VGLL4: variants seen among roughly 807,000 people sequenced by gnomAD.
VGLL4 encodes transcription cofactor vestigial-like protein 4.
VGLL4 carries 7 observed loss-of-function variants against 21.0 expected under a neutral mutation model. The observed-to-expected ratio is 0.33, with a 90% CI of 0.19 to 0.63. VGLL4 has a LOEUF of 0.63. Among genes scored for constraint, VGLL4 ranks in the 20% least tolerant of loss-of-function variants. VGLL4 has a pLI of 0.78. For synonymous variants in VGLL4, 222 were observed against 173.2 expected, an observed-to-expected ratio of 1.28 and a Z score of -2.21; for missense variants, 394 against 425.7, an observed-to-expected ratio of 0.93 and a Z score of 0.66.
chr3:11,653,367 A>T lies in VGLL4; in HGVS notation c.64+49604T>A, dbSNP rs1303564961. ...ACGTAGATCAGTTGTATAACACTTT[A>T]TAGAAAGAGAATCGTATGATGCTAG... is the stretch of plus-strand genomic sequence containing the variant. On this transcript the variant is annotated intron_variant, in intron 2 of 5. Coordinates refer to the VGLL4 transcript ENST00000273038. The surrounding 1 kb of genome is among the most constrained non-coding windows in gnomAD (Gnocchi z 4.2). 3.9e-5 allele frequency among the ~76,000 whole-genome samples: 6 copies of T among 152,226 alleles called. No individual in the cohort carries two copies. Among genetic ancestry groups the T allele is most frequent in the Non-Finnish European group, 7.3e-5 (5 of 68,036 alleles).
intron 1 of VGLL4, among the ~76,000 whole-genome samples, chr3:11,624,617 A>G (rs1404140265): frequency 2.0e-5 from 3 of 152,076 alleles, no homozygotes; most frequent in Non-Finnish European, 4.4e-5. Flanking sequence ...AAATAGCTAT[A>G]CTATCTGCTG....
chr3:11,562,425 C>T (rs2073104508), intron 3 of VGLL4, among the ~76,000 whole-genome samples: 1 of 152,228 alleles, frequency 6.6e-6, no homozygotes, highest in Non-Finnish European at 1.5e-5. Flanking sequence ...GCCCACCCCA[C>T]AGGGCTGCAG....
At chr3:11,680,856 A>G (rs1277149067) in intron 2 of VGLL4, among the ~76,000 whole-genome samples, 1 of 152,202 alleles carries the variant, frequency 6.6e-6, no homozygotes, top group African/African-American at 2.4e-5. Flanking sequence ...AGCACTTAGT[A>G]TGGCACCTGG....
chr3:11,559,495 C>T (rs764640239), intron 3 of VGLL4, 40 bp from the exon 4 acceptor site: 9 of 1,508,488 alleles, frequency 6.0e-6, no homozygotes, highest in Middle Eastern at 2.4e-4. Context: ...AGACCAGCTT[C>T]AGTACCGGGC....
At chr3:11,595,952 G>A (rs549269493) in intron 2 of VGLL4, among the ~76,000 whole-genome samples, 61 of 151,782 alleles carry the variant, frequency 4.0e-4, no homozygotes, top group African/African-American at 1.4e-3. Flanking sequence ...CCTGCACATT[G>A]TGCACATGTA....
At chr3:11,716,996 C>G (rs1489246030) in intron 1 of VGLL4, among the ~76,000 whole-genome samples, 3 of 152,062 alleles carry the variant, frequency 2.0e-5, no homozygotes, top group Admixed American at 6.6e-5. Flanking sequence ...TTCTCTTTCA[C>G]CAGGTTCTCA....
chr3:11,567,294 A>T (rs370850952), intron 2 of VGLL4, among the ~76,000 whole-genome samples: 3 of 152,196 alleles, frequency 2.0e-5, no homozygotes, highest in African/African-American at 7.2e-5. Flanking sequence ...GCCCTCAGTG[A>T]GCGCCAAGAG....
chr3:11,691,489 G>T (rs2076525915), intron 2 of VGLL4, among the ~76,000 whole-genome samples: 1 of 152,114 alleles, frequency 6.6e-6, no homozygotes, highest in East Asian at 1.9e-4. Context: ...ATTTGCCATG[G>T]TGTAAATACA....
rs566280584 is a variant in VGLL4 at position 11,559,415 on chromosome 3, C to A, written c.536G>T (p.Arg179Leu). 1.9e-6 allele frequency: 3 copies of A among 1,563,068 alleles called. No homozygotes were observed. Among genetic ancestry groups the A allele is most frequent in the Admixed American group, 3.8e-5 (2 of 52,262 alleles). The change falls in exon 4 of 5, where the codon CGC (arginine) becomes CTC (leucine). Residue 179 changes from arginine (R) to leucine (L), a missense_variant. By Grantham distance (102) the Arg-to-Leu change is moderately radical. Transcript: ENST00000430365. ...SVITCASAGA[R>L]NCNLSHCPIA... ...GGGGCAGTGCGAGAGGTTGCAGTTGCGGGCGCCAGCCGAGGCACAGGTGAT... is the reference window on the plus strand; with the variant it reads ...GGGGCAGTGCGAGAGGTTGCAGTTGAGGGCGCCAGCCGAGGCACAGGTGAT...
chr3:11,609,136 G>A (rs2075007546), intron 1 of VGLL4, among the ~76,000 whole-genome samples: 1 of 152,062 alleles, frequency 6.6e-6, no homozygotes, highest in African/African-American at 2.4e-5. Flanking sequence ...CCAAAGTGCT[G>A]GGATTACAGG....
At chr3:11,597,926 G>C (rs2074687009) in intron 2 of VGLL4, among the ~76,000 whole-genome samples, 1 of 152,050 alleles carries the variant, frequency 6.6e-6, no homozygotes, top group Non-Finnish European at 1.5e-5. Flanking sequence ...TAAAATCCCA[G>C]GAATTCTAAT....
intron 2 of VGLL4, among the ~76,000 whole-genome samples, chr3:11,582,061 G>T (rs2125226545): frequency 6.6e-6 from 1 of 152,360 alleles, no homozygotes; most frequent in Middle Eastern, 3.4e-3. Context: ...CCGCTTAGGA[G>T]AAACTGTGCA....
At chr3:11,594,512 T>A (rs1444321919) in intron 2 of VGLL4, among the ~76,000 whole-genome samples, 1 of 152,128 alleles carries the variant, frequency 6.6e-6, no homozygotes, top group Non-Finnish European at 1.5e-5. Context: ...CCACTCTAAG[T>A]CTACACACAC....
intron 2 of VGLL4, among the ~76,000 whole-genome samples, chr3:11,657,437 T>C (rs923199776): frequency 6.6e-6 from 1 of 152,168 alleles, no homozygotes; most frequent in Non-Finnish European, 1.5e-5. Context: ...AAAAGAGACA[T>C]TTTAATCTTA....
upstream of VGLL4, among the ~76,000 whole-genome samples, chr3:11,645,988 C>CA (rs1160154144): frequency 6.6e-6 from 1 of 151,890 alleles, no homozygotes; most frequent in African/African-American, 2.4e-5. Flanking sequence ...CAAAACAAAA[C>CA]AAAAAAACTA....
chr3:11,696,666 G>C (rs551854238), intron 2 of VGLL4, among the ~76,000 whole-genome samples: 7 of 152,318 alleles, frequency 4.6e-5, no homozygotes, highest in African/African-American at 1.4e-4. Context: ...TATTTAAATA[G>C]AGTGCAAAGA....
At chr3:11,593,145 T>C (rs529041725) in intron 2 of VGLL4, among the ~76,000 whole-genome samples, 31 of 152,326 alleles carry the variant, frequency 2.0e-4, no homozygotes, top group Admixed American at 7.2e-4. Flanking sequence ...TAACCTGAAA[T>C]GAGGAATTGC....
intron 1 of VGLL4, among the ~76,000 whole-genome samples, chr3:11,629,937 C>G (rs1424228527): frequency 2.0e-5 from 3 of 152,004 alleles, no homozygotes; most frequent in African/African-American, 7.3e-5. Context: ...GAATCACTAC[C>G]AAATAAGAAA....
intron 2 of VGLL4, chr3:11,582,326 C>T (rs774225342): frequency 4.4e-6 from 7 of 1,594,920 alleles, no homozygotes; most frequent in Admixed American, 1.8e-5. Context: ...GACAGCCCAG[C>T]GTCCTCCCAC....
Sources: allele counts gnomAD v4.1 joint callset (sites outside exome capture counted in the v4.1 genomes callset), GRCh38; gene constraint gnomAD v4.1.1; non-coding constraint Gnocchi (gnomAD v3.1); transcripts MANE v1.5; gene names NCBI Gene and HGNC (gene_info 2026-07-23, HGNC 2026-07-21).